GATAD2A: variants seen among roughly 807,000 people sequenced by gnomAD.
GATAD2A encodes the protein GATA zinc finger domain containing 2A.
In GATAD2A, 12 loss-of-function variants were observed where a neutral mutation model predicts 68.5. The ratio of observed to expected loss-of-function variants is 0.18; its 90% CI spans 0.11 to 0.28. The LOEUF (loss-of-function observed/expected upper bound fraction) is 0.28, where lower values mean the gene tolerates loss of function less well. Among genes scored for constraint, GATAD2A ranks in the 10% least tolerant of loss-of-function variants. The pLI is 1.00. For synonymous variants in GATAD2A, 410 were observed against 375.3 expected, an observed-to-expected ratio of 1.09 and a Z score of -1.07; for missense variants, 755 against 868.5, an observed-to-expected ratio of 0.87 and a Z score of 1.64.
chr19:19,437,788 A>G (rs533025126), intron 1 of GATAD2A, among the ~76,000 whole-genome samples: 2 of 152,342 alleles, frequency 1.3e-5, no homozygotes, highest in South Asian at 2.1e-4. Flanking sequence ...ATTCCATTAT[A>G]TGGATGAACC....
At chr19:19,468,179 A>G (rs1463673240) in intron 2 of GATAD2A, among the ~76,000 whole-genome samples, 1 of 152,244 alleles carries the variant, frequency 6.6e-6, no homozygotes, top group African/African-American at 2.4e-5. Context: ...GCCTGGAGCT[A>G]TTCCTATGCC....
At chr19:19,457,051 G>A in intron 1 of GATAD2A, 8 of 976,050 alleles carry the variant, frequency 8.2e-6, no homozygotes, top group Non-Finnish European at 9.7e-6. Flanking sequence ...AGAGCTGAAA[G>A]TGAGTTTGAA....
rs146012974 is a variant in GATAD2A at position 19,416,831 on chromosome 19, T to C, written c.-7+10812T>C. On this transcript the variant is annotated intron_variant, in intron 1 of 11. Transcript: ENST00000683918. ...AGGCCAGAGTGCAATGGCTCTATCTTGGCTCACTGCAACCTTGTCTCCAGG... is the reference window on the plus strand; with the variant it reads ...AGGCCAGAGTGCAATGGCTCTATCTCGGCTCACTGCAACCTTGTCTCCAGG... Among the ~76,000 whole-genome samples the C allele has an allele frequency of 5.3e-3, 800 of 152,168 alleles. 6 individuals carry two copies. The highest frequency in any genetic ancestry group is 0.041 in the South Asian group (198 of 4,812).
At chr19:19,395,490 C>G (rs1319204093) in intron 1 of GATAD2A, among the ~76,000 whole-genome samples, 1 of 152,074 alleles carries the variant, frequency 6.6e-6, no homozygotes, top group Non-Finnish European at 1.5e-5. Flanking sequence ...CAAGTTACCC[C>G]TTTTCCTTGG....
intron 1 of GATAD2A, among the ~76,000 whole-genome samples, chr19:19,430,869 A>AAGTGC (rs1379447094): frequency 1.3e-5 from 2 of 152,118 alleles, no homozygotes; most frequent in African/African-American, 4.8e-5. Flanking sequence ...CTGTTGCCCA[A>AAGTGC]AGTGCAGTGA....
chr19:19,386,499 C>T (rs1354412978), intron 1 of GATAD2A, among the ~76,000 whole-genome samples: 3 of 151,714 alleles, frequency 2.0e-5, no homozygotes, highest in Admixed American at 6.6e-5. Flanking sequence ...AGGGGACTTT[C>T]TTCCCATCTA....
Position 19,443,247 on chromosome 19 carries a change from C to G in GATAD2A, c.-6-22093C>G, listed in dbSNP as rs533061412. Among the ~76,000 whole-genome samples the G allele has an allele frequency of 1.4e-4, 21 of 152,246 alleles. 1 individual carries two copies. The highest frequency in any genetic ancestry group is 1.3e-3 in the Admixed American group (20 of 15,294). On this transcript the variant is annotated intron_variant, in intron 1 of 11. Coordinates refer to ENST00000683918, the MANE Select transcript of GATAD2A (RefSeq NM_001384528.1). ...AGTGATTCTCCCTAGCTGCTAGCCCCCAAGGAGAGTGTCCTGTGCTTCCAC... is the reference window on the plus strand; with the variant it reads ...AGTGATTCTCCCTAGCTGCTAGCCCGCAAGGAGAGTGTCCTGTGCTTCCAC...
Position 19,502,509 on chromosome 19 carries a change from AGAC to A in GATAD2A, c.1759_1761del (p.Thr587del). 6 of 1,612,160 alleles carry A rather than the reference AGAC, an allele frequency of 3.7e-6. No individual in the cohort carries two copies. The highest frequency in any genetic ancestry group is 5.1e-6 in the Non-Finnish European group (6 of 1,179,250). On this transcript the variant is annotated inframe_deletion, in exon 11 of 12. Coordinates refer to ENST00000683918, the MANE Select transcript of GATAD2A (RefSeq NM_001384528.1). ...GGCAGCGCCACCTCCAACTGGAAGA[AGAC>A]GCCCCTCAGCACAGGTGGGTGACCT...
chr19:19,452,527 C>T (rs1001881118), intron 1 of GATAD2A, among the ~76,000 whole-genome samples: 3 of 151,988 alleles, frequency 2.0e-5, no homozygotes, highest in South Asian at 4.1e-4. Context: ...CCATGTCAGC[C>T]CCCAAGTCCA....
intron 1 of GATAD2A, among the ~76,000 whole-genome samples, chr19:19,400,315 C>T (rs991036916): frequency 6.6e-6 from 1 of 152,216 alleles, no homozygotes; most frequent in African/African-American, 2.4e-5. Context: ...CAGATGGAGC[C>T]TGAACCCTGC....
chr19:19,482,941 G>C (rs947865231), intron 2 of GATAD2A, among the ~76,000 whole-genome samples: 1 of 152,200 alleles, frequency 6.6e-6, no homozygotes, highest in African/African-American at 2.4e-5. Flanking sequence ...TCCTAGGCTT[G>C]TCTCTACTAC....
At chr19:19,492,174 A>C (rs1024083676) in intron 2 of GATAD2A, 132 bp from the exon 3 acceptor site, 2 of 917,272 alleles carry the variant, frequency 2.2e-6, no homozygotes, top group African/African-American at 3.3e-5. Flanking sequence ...GGGGCAGGGC[A>C]GGGGATGTGG....
At chr19:19,484,991 C>G (rs1170982423) in intron 2 of GATAD2A, among the ~76,000 whole-genome samples, 1 of 152,156 alleles carries the variant, frequency 6.6e-6, no homozygotes, top group Non-Finnish European at 1.5e-5. Flanking sequence ...TCCATGGGAC[C>G]CTCTTCAGCC....
At chr19:19,436,269 G>A in intron 1 of GATAD2A, 1 of 1,002,170 alleles carries the variant, frequency 1.0e-6, no homozygotes, top group African/African-American at 1.6e-5. Context: ...CACGCATCCA[G>A]CAGGCTTCGG....
At chr19:19,413,918 T>A (rs1279379428) in intron 1 of GATAD2A, among the ~76,000 whole-genome samples, 1 of 152,198 alleles carries the variant, frequency 6.6e-6, no homozygotes, top group Non-Finnish European at 1.5e-5. Context: ...GTTCGTTTGA[T>A]GAACTGACCT....
intron 1 of GATAD2A, chr19:19,440,117 C>A: frequency 4.9e-6 from 2 of 406,186 alleles, no homozygotes; most frequent in Admixed American, 3.0e-5. Context: ...TAGGTGATGT[C>A]TTCATTTGTG....
intron 5 of GATAD2A, among the ~76,000 whole-genome samples, chr19:19,494,950 G>A (rs979208321): frequency 6.6e-6 from 1 of 152,232 alleles, no homozygotes; most frequent in African/African-American, 2.4e-5. Context: ...CCTTGTTCCA[G>A]TATCTAGAAT....
Position 19,506,667 on chromosome 19 carries a change from A to G in GATAD2A, c.*1193A>G, listed in dbSNP as rs970221963. 6.6e-6 allele frequency: 1 copy of G among 151,334 alleles called. No homozygotes were observed. Among genetic ancestry groups the G allele is most frequent in the Admixed American group, 6.6e-5 (1 of 15,178 alleles). 9.4% of individuals were successfully genotyped at this position (151,334 alleles called of 1,614,324 possible). ...AGTCTACAAAAATGTTTTTAAAAGGATCAGGTCTGCTTTTAGTTTCATTTT... is the reference window on the plus strand; with the variant it reads ...AGTCTACAAAAATGTTTTTAAAAGGGTCAGGTCTGCTTTTAGTTTCATTTT... On this transcript the variant is annotated 3_prime_UTR_variant, in exon 12 of 12. Coordinates refer to ENST00000683918, the MANE Select transcript of GATAD2A (RefSeq NM_001384528.1).
At chr19:19,488,518 C>T (rs375087392) in intron 2 of GATAD2A, among the ~76,000 whole-genome samples, 1 of 152,218 alleles carries the variant, frequency 6.6e-6, no homozygotes, top group African/African-American at 2.4e-5. Context: ...ATATTAACCA[C>T]GTACTGGCCG....
Sources: allele counts gnomAD v4.1 joint callset (sites outside exome capture counted in the v4.1 genomes callset), GRCh38; gene constraint gnomAD v4.1.1; transcripts MANE v1.5; gene names NCBI Gene and HGNC (gene_info 2026-07-23, HGNC 2026-07-21).